PRDX5: variants seen among roughly 807,000 people sequenced by gnomAD.
The protein encoded by PRDX5 is peroxiredoxin 5.
In PRDX5, 21 loss-of-function variants were observed where a neutral mutation model predicts 23.8. The ratio of observed to expected loss-of-function variants is 0.88; its 90% CI spans 0.63 to 1.27. The LOEUF is 1.27. Among genes scored for constraint, PRDX5 ranks in the 50% most tolerant of loss-of-function variants. PRDX5 has a pLI of 0.00. For missense variants in PRDX5, 261 were observed against 270.6 expected, an observed-to-expected ratio of 0.96 and a Z score of 0.25; for synonymous variants, 111 against 113.3, an observed-to-expected ratio of 0.98 and a Z score of 0.13.
Position 64,321,787 on chromosome 11 carries a change from A to G in PRDX5, c.*96A>G. On this transcript the variant is annotated 3_prime_UTR_variant, in exon 6 of 6. Coordinates refer to ENST00000265462, the MANE Select transcript of PRDX5 (RefSeq NM_012094.5). ...ATTGGAATGTTGGCCAGATTTCTGC[A>G]ATAAACACTTGTGGTTTGCGGCCAT... The G allele has an allele frequency of 2.8e-6, 4 of 1,417,492 alleles. No individual in the cohort carries two copies. In the South Asian group the frequency reaches 5.7e-5, roughly 20 times the overall value. The allele number at this position is 1,417,492 out of a possible 1,614,324, so 87.8% of individuals were successfully genotyped here.
Position 64,320,804 on chromosome 11 carries a change from G to C in PRDX5, c.438+12G>C, listed in dbSNP as rs928740335. On this transcript the variant is annotated intron_variant, in intron 3 of 5. Transcript: ENST00000265462. ...AGGCGGAAGGCAAGGTGAGGTGAGG[G>C]GCCTGCAGGGAGTCAGGACCAGGTA... is the stretch of plus-strand genomic sequence containing the variant. 1 of 1,614,074 alleles carries C rather than the reference G, an allele frequency of 6.2e-7. No individual in the cohort carries two copies. Among genetic ancestry groups the C allele is most frequent in the Non-Finnish European group, 8.5e-7 (1 of 1,180,044 alleles).
Position 64,320,956 on chromosome 11 carries a change from G to A in PRDX5, c.478-51G>A, listed in dbSNP as rs540971041. ...ACATGGCAGTGCGGGGAGCAGTGGG[G>A]GCCCTTAGCCTCTTCAAGGATTTCT... On this transcript the variant is annotated intron_variant, in intron 4 of 5. Transcript: ENST00000265462. 83 of 1,614,044 alleles carry A rather than the reference G, an allele frequency of 5.1e-5. No homozygotes were observed. In the South Asian group the frequency reaches 8.8e-4, roughly 17 times the overall value.
At chr11:64,318,849 C>CCCCCCCGCCT in intron 1 of PRDX5, among the ~76,000 whole-genome samples, 1 of 133,020 alleles carries the variant, frequency 7.5e-6, no homozygotes, top group African/African-American at 2.7e-5. Context: ...CCCCCCCGCC[C>CCCCCCCGCCT]CCCCCCGCCT....
At position 64,320,938 on chromosome 11, in the gene PRDX5, A is replaced by G. The variant is rs755171061; in HGVS notation, c.477+35A>G. On this transcript the variant is annotated intron_variant, in intron 4 of 5. Coordinates refer to ENST00000265462, the MANE Select transcript of PRDX5 (RefSeq NM_012094.5). ...CCCCTGACCGCCACAGGGACATGGCAGTGCGGGGAGCAGTGGGGGCCCTTA... is the reference window on the plus strand; with the variant it reads ...CCCCTGACCGCCACAGGGACATGGCGGTGCGGGGAGCAGTGGGGGCCCTTA... 7.3e-5 allele frequency: 118 copies of G among 1,613,864 alleles called. No homozygotes were observed. In the South Asian group the frequency reaches 1.3e-3, roughly 17 times the overall value.
At chr11:64,318,838 C>A (rs1162027920) in intron 1 of PRDX5, among the ~76,000 whole-genome samples, 23 of 99,534 alleles carry the variant, frequency 2.3e-4, no homozygotes, top group Non-Finnish European at 3.5e-4. Context: ...CTCAGGTGAA[C>A]CCCCCCCGCC....
Position 64,318,530 on chromosome 11 carries a change from G to A in PRDX5, c.171+144G>A. 5 of 1,079,028 alleles carry A rather than the reference G, an allele frequency of 4.6e-6. No individual in the cohort carries two copies. The South Asian group carries it at 5.9e-5, about 13-fold the overall frequency. The allele number at this position is 1,079,028 out of a possible 1,614,324, so 66.8% of individuals were successfully genotyped here. On this transcript the variant is annotated intron_variant, in intron 1 of 5. Transcript: ENST00000265462. ...CGGCTCATCCCTTCAGAAGGCCCTC[G>A]TGGCTGCCCACCTTTCTCGCCAATC... is the stretch of plus-strand genomic sequence containing the variant.
intron 2 of PRDX5, 57 bp from the exon 3 acceptor site, chr11:64,320,585 AGGGCCTGGAGATAAAGGGT>A: frequency 1.3e-6 from 2 of 1,522,716 alleles, no homozygotes; most frequent in South Asian, 2.6e-5. Flanking sequence ...AGCACTGAGG[AGGGCCTGGAGATAAAGGGT>A]GGGCTGGGGG....
chr11:64,318,139 G>T lies in PRDX5; in HGVS notation c.-77G>T. On this transcript the variant is annotated 5_prime_UTR_variant, in exon 1 of 6. Transcript: ENST00000265462. ...GGCCCGCCTTCCGCAGGGTGTCGCC[G>T]CTGTGCCGCTAGCGGTGCCCCGCCT... 6.3e-7 allele frequency: 1 copy of T among 1,581,778 alleles called. No homozygotes were observed. Among genetic ancestry groups the T allele is most frequent in the Non-Finnish European group, 8.6e-7 (1 of 1,166,676 alleles).
In PRDX5 at chr11:64,318,230, C is replaced by T; in HGVS notation, c.15C>T (p.Gly5=). The T allele has an allele frequency of 6.2e-7, 1 of 1,611,746 alleles. No individual in the cohort carries two copies. The highest frequency in any genetic ancestry group is 8.5e-7 in the Non-Finnish European group (1 of 1,179,806). ...GTGGGGCGGGTATGGGACTAGCTGG[C>T]GTGTGCGCCCTGAGACGCTCAGCGG... MGLA[G]VCALRRSAGY... Residue 5 remains glycine (G), a synonymous_variant, in exon 1 of 6, where the codon GGC becomes GGT. Coordinates refer to ENST00000265462, the MANE Select transcript of PRDX5 (RefSeq NM_012094.5).
rs562055323 is a variant in PRDX5, at chr11:64,318,237, G to A, written c.22G>A (p.Ala8Thr). 1.1e-5 allele frequency: 17 copies of A among 1,611,918 alleles called. No individual in the cohort carries two copies. The highest frequency in any genetic ancestry group is 1.4e-5 in the Non-Finnish European group (16 of 1,179,838). MGLAGVC[A>T]LRRSAGYILV... is the part of the protein sequence containing the mutation. ...GGGTATGGGACTAGCTGGCGTGTGCGCCCTGAGACGCTCAGCGGGCTATAT... is the reference window on the plus strand; with the variant it reads ...GGGTATGGGACTAGCTGGCGTGTGCACCCTGAGACGCTCAGCGGGCTATAT... Residue 8 changes from alanine (A) to threonine (T), a missense_variant, in exon 1 of 6, where the codon GCC (alanine) becomes ACC (threonine). Coordinates refer to ENST00000265462, the MANE Select transcript of PRDX5 (RefSeq NM_012094.5).
In PRDX5 at chr11:64,318,403, C is replaced by T; in HGVS notation, c.171+17C>T. The T allele has an allele frequency of 2.5e-6, 4 of 1,593,552 alleles. No individual in the cohort carries two copies. Among genetic ancestry groups the T allele is most frequent in the Non-Finnish European group, 3.4e-6 (4 of 1,172,022 alleles). On this transcript the variant is annotated intron_variant, in intron 1 of 5. Transcript: ENST00000265462. The stretch of plus-strand genomic sequence containing the variant: ...CCAATCAAGGTGACCGCTGGCCCGG[C>T]CGGGCCTGACATCCCCCACTACCCC...
Position 64,320,663 on chromosome 11 carries a change from A to C in PRDX5, c.309A>C (p.Thr103=), listed in dbSNP as rs376613677. 54 of 1,589,814 alleles carry C rather than the reference A, an allele frequency of 3.4e-5. No homozygotes were observed. In the African/African-American group the frequency reaches 6.1e-4, roughly 18 times the overall value. Residue 103 remains threonine (T), a splice_region_variant and synonymous_variant, in exon 3 of 6, where the codon ACA becomes ACC. Coordinates refer to ENST00000265462, the MANE Select transcript of PRDX5 (RefSeq NM_012094.5). The part of the protein sequence containing the change: ...PGAFTPGCSK[T]HLPGFVEQAE... ...GACCCTTTGTTCCCCTTCCTCAGAC[A>C]CACCTGCCAGGGTTTGTGGAGCAGG...
chr11:64,318,325 A>C lies in PRDX5; in HGVS notation c.110A>C (p.Glu37Ala), dbSNP rs1233463745. The C allele has an allele frequency of 3.1e-6, 5 of 1,612,588 alleles. No individual in the cohort carries two copies. The South Asian group carries it at 5.5e-5, about 18-fold the overall frequency. ...AAAARRYSEG[E>A]WASGGVRSFS... ...GCAGCAAGACGGTACAGTGAAGGAG[A>C]GTGGGCGTCTGGCGGGGTCCGCAGT... Residue 37 changes from glutamate (E) to alanine (A), a missense_variant, in exon 1 of 6, where the codon GAG becomes GCG. By Grantham distance (107) the Glu-to-Ala change is moderately radical (BLOSUM62 -1). Coordinates refer to ENST00000265462, the MANE Select transcript of PRDX5 (RefSeq NM_012094.5).
chr11:64,318,858 C>T (rs2035406020), intron 1 of PRDX5, among the ~76,000 whole-genome samples: 3 of 144,400 alleles, frequency 2.1e-5, no homozygotes, highest in South Asian at 4.8e-4. Flanking sequence ...CCCCCCCCGC[C>T]TCGGCTTCCC....
chr11:64,318,513 C>A, intron 1 of PRDX5, 127 bp downstream of exon 1: 2 of 1,294,434 alleles, frequency 1.5e-6, no homozygotes, highest in Non-Finnish European at 2.1e-6. Context: ...CCCGGCTCAT[C>A]CCTTCAGAAG....
At chr11:64,318,560 G>C (rs992216089) in intron 1 of PRDX5, among the ~76,000 whole-genome samples, 174 bp downstream of exon 1, 16 of 152,096 alleles carry the variant, frequency 1.1e-4, no homozygotes, top group Admixed American at 7.2e-4. Flanking sequence ...CCAATCGTGG[G>C]GGCCTCACCT....
Position 64,320,811 on chromosome 11 carries a change from A to G in PRDX5, c.438+19A>G, listed in dbSNP as rs1364191902. 2 of 1,614,210 alleles carry G rather than the reference A, an allele frequency of 1.2e-6. No individual in the cohort carries two copies. The highest frequency in any genetic ancestry group is 2.2e-5 in the South Asian group (2 of 91,082). On this transcript the variant is annotated intron_variant, in intron 3 of 5. Transcript: ENST00000265462. ...AGGCAAGGTGAGGTGAGGGGCCTGC[A>G]GGGAGTCAGGACCAGGTAGGATATT...
chr11:64,321,227 A>G (rs11823771), intron 5 of PRDX5, among the ~76,000 whole-genome samples, 159 bp downstream of exon 5: 2 of 126,992 alleles, frequency 1.6e-5, no homozygotes, highest in African/African-American at 3.1e-5. Context: ...CTGTGTGGGG[A>G]GAGTCCTCTG....
At chr11:64,319,698 C>T (rs1383863015) in intron 1 of PRDX5, 36 bp from the exon 2 acceptor site, 1 of 1,595,638 alleles carries the variant, frequency 6.3e-7, no homozygotes, top group Non-Finnish European at 8.5e-7. Flanking sequence ...TGCCCCGGCT[C>T]CCTCACCCCC....
Sources: allele counts gnomAD v4.1 joint callset (sites outside exome capture counted in the v4.1 genomes callset), GRCh38; gene constraint gnomAD v4.1.1; transcripts MANE v1.5; gene names NCBI Gene and HGNC (gene_info 2026-07-23, HGNC 2026-07-21).